LMNTD1: variants seen among roughly 807,000 people sequenced by gnomAD.
LMNTD1 encodes lamin tail domain-containing protein 1.
LMNTD1 carries 35 observed loss-of-function variants against 50.9 expected under a neutral mutation model. The observed-to-expected ratio is 0.69, with a 90% confidence interval of 0.53 to 0.91. The LOEUF is 0.91. Ranked by LOEUF, LMNTD1 falls within the 40% of genes least tolerant of loss-of-function variation. LMNTD1 has a pLI of 0.00. For synonymous variants in LMNTD1, 153 were observed against 161.9 expected, an observed-to-expected ratio of 0.94 and a Z score of 0.42; for missense variants, 470 against 475.5, an observed-to-expected ratio of 0.99 and a Z score of 0.11.
chr12:25,483,279 C>T (rs1384035065), intron 9 of LMNTD1, among the ~76,000 whole-genome samples: 1 of 151,550 alleles, frequency 6.6e-6, no homozygotes, highest in Non-Finnish European at 1.5e-5. Context: ...CAAAAATTAG[C>T]CAGGCGTGGT....
intron 7 of LMNTD1, 134 bp downstream of exon 7, chr12:25,519,724 A>C (rs1339392213): frequency 4.7e-6 from 3 of 634,964 alleles, no homozygotes; most frequent in Non-Finnish European, 8.3e-6. Context: ...TTCTATTCAA[A>C]ATAGTAGTTT....
At chr12:25,511,023 T>C (rs1940242849) in intron 8 of LMNTD1, among the ~76,000 whole-genome samples, 1 of 152,058 alleles carries the variant, frequency 6.6e-6, no homozygotes. Flanking sequence ...TCTTTGGAGA[T>C]AGTGACATAT....
intron 1 of LMNTD1, among the ~76,000 whole-genome samples, chr12:25,589,880 T>G (rs936950868): frequency 1.1e-4 from 16 of 152,102 alleles, no homozygotes; most frequent in African/African-American, 3.6e-4. Flanking sequence ...AAAAGAATTA[T>G]CCACCAAGGC....
At chr12:25,596,003 T>C (rs758462252) in intron 1 of LMNTD1, among the ~76,000 whole-genome samples, 3 of 152,026 alleles carry the variant, frequency 2.0e-5, no homozygotes, top group African/African-American at 4.8e-5. Context: ...AGATGGATAA[T>C]TTCCTGGACA....
chr12:25,648,498 G>T (rs1445398149), exon 1 of LMNTD1: 3 of 1,551,378 alleles, frequency 1.9e-6, no homozygotes, highest in Non-Finnish European at 2.6e-6. Context: ...ACTTACTGTG[G>T]TGGGTCTGGA....
At chr12:25,593,145 A>T (rs890358675) in intron 1 of LMNTD1, among the ~76,000 whole-genome samples, 3 of 151,578 alleles carry the variant, frequency 2.0e-5, no homozygotes, top group African/African-American at 7.3e-5. Context: ...CACCCTGGTA[A>T]CTGAAGACAA....
intron 4 of LMNTD1, among the ~76,000 whole-genome samples, chr12:25,537,701 C>T (rs1208916910): frequency 6.6e-6 from 1 of 152,136 alleles, no homozygotes; most frequent in Non-Finnish European, 1.5e-5. Context: ...TCCTCACCAG[C>T]AACAGAACAA....
chr12:25,630,994 T>C (rs1311252623), intron 1 of LMNTD1, among the ~76,000 whole-genome samples: 1 of 152,154 alleles, frequency 6.6e-6, no homozygotes, highest in Non-Finnish European at 1.5e-5. Flanking sequence ...AGCCCTTCAG[T>C]TTGAGTGGGA....
At chr12:25,625,112 C>G (rs1479021017) in intron 1 of LMNTD1, among the ~76,000 whole-genome samples, 1 of 152,166 alleles carries the variant, frequency 6.6e-6, no homozygotes, top group South Asian at 2.1e-4. Context: ...AGCTCTGGAG[C>G]GAGGTCCTTT....
intron 1 of LMNTD1, among the ~76,000 whole-genome samples, chr12:25,600,189 C>T (rs1285913166): frequency 3.3e-5 from 5 of 151,930 alleles, no homozygotes; most frequent in Admixed American, 3.3e-4. Context: ...CAAGAACATA[C>T]ACTGGGGAAA....
At chr12:25,639,623 T>C (rs1946910556) in intron 1 of LMNTD1, among the ~76,000 whole-genome samples, 1 of 152,142 alleles carries the variant, frequency 6.6e-6, no homozygotes. Flanking sequence ...AACACTAGCC[T>C]GGGTATAATT....
intron 1 of LMNTD1, among the ~76,000 whole-genome samples, chr12:25,601,070 T>G (rs551855656): frequency 1.3e-5 from 2 of 151,902 alleles, no homozygotes; most frequent in Admixed American, 6.6e-5. Context: ...AACAGATGAA[T>G]GGACAAAGAA....
At chr12:25,632,866 A>T (rs1946750174) in intron 1 of LMNTD1, among the ~76,000 whole-genome samples, 1 of 152,210 alleles carries the variant, frequency 6.6e-6, no homozygotes, top group African/African-American at 2.4e-5. Context: ...CACTTAAGAG[A>T]TACAGAACTA....
chr12:25,549,225 GTAA>G, intron 3 of LMNTD1, 98 bp downstream of exon 3: 1 of 622,048 alleles, frequency 1.6e-6, no homozygotes, highest in East Asian at 2.9e-5. Context: ...TTTTGGGGGA[GTAA>G]TAATAAAACA....
intron 8 of LMNTD1, among the ~76,000 whole-genome samples, chr12:25,508,456 A>T (rs1939992395): frequency 6.6e-6 from 1 of 152,220 alleles, no homozygotes; most frequent in Admixed American, 6.5e-5. Context: ...TGCATGTAGC[A>T]GTAGTTCATT....
intron 1 of LMNTD1, among the ~76,000 whole-genome samples, chr12:25,635,265 A>AG (rs1178031560): frequency 6.6e-6 from 1 of 151,440 alleles, no homozygotes; most frequent in East Asian, 1.9e-4. Flanking sequence ...AAAAAAAAAA[A>AG]AGAATTCAGT....
intron 1 of LMNTD1, among the ~76,000 whole-genome samples, chr12:25,647,931 CT>C (rs770691602): frequency 6.6e-6 from 1 of 152,194 alleles, no homozygotes; most frequent in Non-Finnish European, 1.5e-5. Flanking sequence ...GATGTTTTCT[CT>C]TTCTCTTCCT....
intron 8 of LMNTD1, among the ~76,000 whole-genome samples, chr12:25,509,200 C>T (rs561740891): frequency 6.6e-6 from 1 of 152,262 alleles, no homozygotes; most frequent in East Asian, 1.9e-4. Context: ...CTCCGCCTCC[C>T]AGGTTCAAGC....
At chr12:25,546,702 T>G in intron 3 of LMNTD1, 148 bp from the exon 4 acceptor site, 1 of 448,700 alleles carries the variant, frequency 2.2e-6, no homozygotes, top group South Asian at 8.8e-5. Context: ...TGAGAATAGT[T>G]AGAAGCTTTA....
Sources: gnomAD v4.1 joint callset for allele counts (sites outside exome capture counted in the v4.1 genomes callset) on GRCh38, gnomAD v4.1.1 for gene constraint, MANE v1.5 for transcripts, NCBI Gene and HGNC (gene_info 2026-07-23, HGNC 2026-07-21) for gene names.